Variants in ZCWPW2 observed in about 807,000 individuals in gnomAD.
ZCWPW2 encodes the protein zinc finger CW-type and PWWP domain containing 2.
Under a neutral mutation model 46.6 loss-of-function variants are expected in ZCWPW2, and 45 were observed. The ratio of observed to expected loss-of-function variants is 0.96; its 90% CI spans 0.76 to 1.24. The LOEUF (loss-of-function observed/expected upper bound fraction) is 1.24. Among genes scored for constraint, ZCWPW2 ranks in the 50% most tolerant of loss-of-function variants. ZCWPW2 has a pLI of 0.00. For synonymous variants in ZCWPW2, 152 were observed against 137.1 expected, an observed-to-expected ratio of 1.11 and a Z score of -0.76; for missense variants, 429 against 403.9, an observed-to-expected ratio of 1.06 and a Z score of -0.53.
intron 4 of ZCWPW2, among the ~76,000 whole-genome samples, chr3:28,470,365 C>T (rs927670871): frequency 7.9e-5 from 12 of 151,738 alleles, no homozygotes; most frequent in Non-Finnish European, 1.8e-4. Flanking sequence ...GGTGTGGTGG[C>T]GCATGCCGGT....
rs368290056 is a variant in ZCWPW2, at chr3:28,478,860, A to G, written c.539A>G (p.Gln180Arg). ...AAGAAGTGGTATAAAAGTGCACTAC[A>G]AGAAGCATGTCTACTCTATGGATAT... Reference protein sequence around the residue: ...NKKKWYKSALQEACLLYGYSH... With the variant: ...NKKKWYKSALREACLLYGYSH... Residue 180 changes from glutamine to arginine, a missense_variant, in exon 5 of 10, where the codon CAA becomes CGA. Coordinates refer to ENST00000383768, the MANE Select transcript of ZCWPW2 (RefSeq NM_001040432.4). 2 of 1,585,962 alleles carry G rather than the reference A, an allele frequency of 1.3e-6. No homozygotes were observed. Among genetic ancestry groups the G allele is most frequent in the Non-Finnish European group, 1.7e-6 (2 of 1,169,146 alleles).
chr3:28,522,514 C>T (rs1700750159), intron 9 of ZCWPW2, among the ~76,000 whole-genome samples: 1 of 152,028 alleles, frequency 6.6e-6, no homozygotes, highest in Admixed American at 6.6e-5. Flanking sequence ...AAGCAGACTG[C>T]CCAGTTGTAT....
At chr3:28,446,757 G>A (rs1367446091) in intron 4 of ZCWPW2, among the ~76,000 whole-genome samples, 2 of 151,966 alleles carry the variant, frequency 1.3e-5, no homozygotes, top group Non-Finnish European at 2.9e-5. Context: ...CAATAAAACT[G>A]TCAAACCTTT....
chr3:28,382,654 T>A (rs1239768421), intron 1 of ZCWPW2, among the ~76,000 whole-genome samples: 1 of 152,114 alleles, frequency 6.6e-6, no homozygotes, highest in East Asian at 1.9e-4. Flanking sequence ...TCACAAACTC[T>A]AAAGCTTAAT....
chr3:28,491,836 T>C (rs1274098957), intron 5 of ZCWPW2, among the ~76,000 whole-genome samples: 1 of 152,078 alleles, frequency 6.6e-6, no homozygotes, highest in Non-Finnish European at 1.5e-5. Context: ...CCCCAGAACC[T>C]AGAAATAAGA....
chr3:28,504,856 T>A (rs992938592), intron 6 of ZCWPW2, among the ~76,000 whole-genome samples: 1 of 152,232 alleles, frequency 6.6e-6, no homozygotes, highest in African/African-American at 2.4e-5. Context: ...CCGGACACCC[T>A]GTCTGGATTA....
intron 5 of ZCWPW2, among the ~76,000 whole-genome samples, chr3:28,490,202 T>G (rs1699758459): frequency 6.6e-6 from 1 of 152,052 alleles, no homozygotes; most frequent in Non-Finnish European, 1.5e-5. Context: ...GAAAAGGGAA[T>G]GCTATATACT....
At chr3:28,367,897 G>A (rs1005416429) in intron 1 of ZCWPW2, among the ~76,000 whole-genome samples, 9 of 152,080 alleles carry the variant, frequency 5.9e-5, no homozygotes, top group African/African-American at 1.7e-4. Flanking sequence ...TTACCATTAT[G>A]TAATGGCCTC....
intron 1 of ZCWPW2, among the ~76,000 whole-genome samples, chr3:28,358,657 T>C (rs1704829313): frequency 6.6e-6 from 1 of 152,146 alleles, no homozygotes; most frequent in Non-Finnish European, 1.5e-5. Context: ...CATCACTTTT[T>C]CAACATCAAG....
At chr3:28,381,801 G>T (rs1025051621) in intron 1 of ZCWPW2, among the ~76,000 whole-genome samples, 4 of 151,862 alleles carry the variant, frequency 2.6e-5, no homozygotes, top group African/African-American at 9.7e-5. Context: ...CAAAATTTTG[G>T]AACAATAAAG....
intron 6 of ZCWPW2, among the ~76,000 whole-genome samples, chr3:28,507,534 T>C (rs538398846): frequency 1.2e-4 from 18 of 151,996 alleles, no homozygotes; most frequent in African/African-American, 4.3e-4. Flanking sequence ...TGGAGTACAG[T>C]GGTGCAATCT....
At chr3:28,522,994 A>G (rs1477491512) in intron 9 of ZCWPW2, among the ~76,000 whole-genome samples, 1 of 152,226 alleles carries the variant, frequency 6.6e-6, no homozygotes, top group Non-Finnish European at 1.5e-5. Context: ...TGGAGCTTTT[A>G]TAGGCACAGA....
intron 5 of ZCWPW2, among the ~76,000 whole-genome samples, chr3:28,490,458 G>C (rs1386425072): frequency 6.6e-6 from 1 of 152,058 alleles, no homozygotes; most frequent in African/African-American, 2.4e-5. Context: ...AGAAAATATG[G>C]TACATATTCA....
intron 2 of ZCWPW2, among the ~76,000 whole-genome samples, chr3:28,403,373 A>G (rs1158134738): frequency 6.6e-6 from 1 of 152,114 alleles, no homozygotes; most frequent in Non-Finnish European, 1.5e-5. Flanking sequence ...AAACTACATA[A>G]CACTGCTGTT....
chr3:28,510,681 C>T (rs902659182), intron 6 of ZCWPW2, among the ~76,000 whole-genome samples: 1 of 152,118 alleles, frequency 6.6e-6, no homozygotes, highest in African/African-American at 2.4e-5. Flanking sequence ...GAGCTACCTA[C>T]CTCAGCCAAC....
chr3:28,423,309 T>C (rs1696870408), intron 3 of ZCWPW2, among the ~76,000 whole-genome samples: 1 of 151,558 alleles, frequency 6.6e-6, no homozygotes, highest in Non-Finnish European at 1.5e-5. Context: ...TTATTGATCC[T>C]GTCCTCTTCA....
rs567570721 is a variant in ZCWPW2, at chr3:28,493,139, T to A, written c.657+966T>A. Among the ~76,000 whole-genome samples, 74 of 73,344 alleles carry A rather than the reference T, an allele frequency of 1.0e-3. 1 individual carries two copies. The highest frequency in any genetic ancestry group is 8.4e-4 in the Admixed American group (5 of 5,922). The allele number at this position is 73,344 out of a possible 152,430, so 48.1% of individuals were successfully genotyped here. A position where few individuals can be genotyped will look rare whatever the true frequency, so the allele number is the denominator to read the frequency against. On this transcript the variant is annotated intron_variant, in intron 6 of 9. Coordinates refer to ENST00000383768, the MANE Select transcript of ZCWPW2 (RefSeq NM_001040432.4). ...TTTATCTTTATTTTTTTTTATTTTA[T>A]TTTTTTTAATGTTTTTTTTTTTATT...
intron 3 of ZCWPW2, among the ~76,000 whole-genome samples, chr3:28,421,471 C>T (rs1216286634): frequency 3.3e-5 from 5 of 152,074 alleles, no homozygotes; most frequent in Non-Finnish European, 7.4e-5. Flanking sequence ...TGATGTTTTT[C>T]TGGGATAAAG....
chr3:28,349,221 C>G lies in ZCWPW2; in HGVS notation c.-134+18C>G, dbSNP rs1559467822. ...GGAGTTAGGTAAGAGCGTTACCAGC[C>G]GTCTTGTCTGTTGGGCCGAGGTCCC... is the stretch of plus-strand genomic sequence containing the variant. On this transcript the variant is annotated intron_variant, in intron 1 of 9. Coordinates refer to ENST00000383768, the MANE Select transcript of ZCWPW2 (RefSeq NM_001040432.4). 6.1e-6 allele frequency: 6 copies of G among 984,782 alleles called. No homozygotes were observed. The highest frequency in any genetic ancestry group is 7.2e-6 in the Non-Finnish European group (6 of 829,404). The allele number at this position is 984,782 out of a possible 1,614,324, so 61.0% of individuals were successfully genotyped here. A position where few individuals can be genotyped will look rare whatever the true frequency, so the allele number is the denominator to read the frequency against.
Sources: allele counts gnomAD v4.1 joint callset (sites outside exome capture counted in the v4.1 genomes callset), GRCh38; gene constraint gnomAD v4.1.1; transcripts MANE v1.5; gene names NCBI Gene and HGNC (gene_info 2026-07-23, HGNC 2026-07-21).